Variants in CCNB2 observed in about 807,000 individuals in gnomAD.
CCNB2 encodes cyclin B2.
A neutral mutation model predicts 51.1 loss-of-function variants in CCNB2; 39 were observed. The observed-to-expected ratio is 0.76, with a 90% CI of 0.59 to 1.00. The LOEUF is 1.00. Ranked by LOEUF, CCNB2 falls within the 50% of genes least tolerant of loss-of-function variation. The pLI is 0.00. For synonymous variants in CCNB2, 174 were observed against 165.5 expected, an observed-to-expected ratio of 1.05 and a Z score of -0.40; for missense variants, 472 against 470.3, an observed-to-expected ratio of 1.00 and a Z score of -0.03.
chr15:59,107,773 T>C (rs1298223535), intron 3 of CCNB2, 103 bp downstream of exon 3: 1 of 789,466 alleles, frequency 1.3e-6, no homozygotes. Flanking sequence ...CGAACATTCA[T>C]AGCTGGAGCT....
At chr15:59,123,308 C>A (rs2079311238) in intron 7 of CCNB2, among the ~76,000 whole-genome samples, 1 of 152,264 alleles carries the variant, frequency 6.6e-6, no homozygotes, top group African/African-American at 2.4e-5. Context: ...GGTCTCAGGG[C>A]CAGAATCATC....
intron 7 of CCNB2, 100 bp downstream of exon 7, chr15:59,117,468 GGTTTT>G (rs1342009304): frequency 6.2e-5 from 80 of 1,295,926 alleles, no homozygotes; most frequent in Non-Finnish European, 8.2e-5. Flanking sequence ...TGAAGCAGTT[GGTTTT>G]GTTTTGTGTT....
chr15:59,110,988 G>C (rs369123330), intron 3 of CCNB2, among the ~76,000 whole-genome samples: 3 of 152,288 alleles, frequency 2.0e-5, no homozygotes, highest in South Asian at 2.1e-4. Context: ...CATAGGAGTA[G>C]AAGTATGGCT....
At chr15:59,123,065 C>T (rs545366576) in intron 7 of CCNB2, among the ~76,000 whole-genome samples, 8 of 152,278 alleles carry the variant, frequency 5.3e-5, no homozygotes, top group Middle Eastern at 3.4e-3. Flanking sequence ...TTCTTATTTC[C>T]GAACATCTTT....
intron 7 of CCNB2, among the ~76,000 whole-genome samples, chr15:59,120,712 TGCATCAATGAATG>T (rs1476978556): frequency 6.6e-6 from 1 of 152,194 alleles, no homozygotes; most frequent in Non-Finnish European, 1.5e-5. Flanking sequence ...TCAAGCAAGG[TGCATCAATGAATG>T]CAAAAATCAT....
chr15:59,122,277 CTT>C (rs2079306224), intron 7 of CCNB2, among the ~76,000 whole-genome samples: 1 of 78,506 alleles, frequency 1.3e-5, no homozygotes, highest in South Asian at 4.1e-4. Flanking sequence ...GAGACAGAGT[CTT>C]TCTCTGTCAC....
At chr15:59,121,470 T>C (rs1256159773) in intron 7 of CCNB2, 1 of 152,194 alleles carries the variant, frequency 6.6e-6, no homozygotes, top group Non-Finnish European at 1.5e-5. Context: ...TTTTTACTCG[T>C]TTCCTCTTTC....
chr15:59,117,823 A>G (rs1295323165), intron 7 of CCNB2, among the ~76,000 whole-genome samples: 1 of 152,136 alleles, frequency 6.6e-6, no homozygotes, highest in African/African-American at 2.4e-5. Context: ...GGAGAGGGGC[A>G]TGGGGGCTTG....
At chr15:59,105,374 C>A in intron 1 of CCNB2, 82 bp downstream of exon 1, 2 of 1,433,836 alleles carry the variant, frequency 1.4e-6, no homozygotes, top group Non-Finnish European at 1.9e-6. Context: ...CTGCTCCGAG[C>A]TTCTCCGTCC....
At chr15:59,121,761 G>C (rs2079302685) in intron 7 of CCNB2, among the ~76,000 whole-genome samples, 1 of 151,890 alleles carries the variant, frequency 6.6e-6, no homozygotes, top group African/African-American at 2.4e-5. Context: ...GTAAAACTCT[G>C]TCTCTATTAA....
chr15:59,105,693 C>T (rs1274315446), intron 1 of CCNB2, among the ~76,000 whole-genome samples: 1 of 152,206 alleles, frequency 6.6e-6, no homozygotes, highest in African/African-American at 2.4e-5. Flanking sequence ...ACTAAGGGAC[C>T]TGTGATGGCG....
intron 3 of CCNB2, among the ~76,000 whole-genome samples, chr15:59,110,982 G>C (rs1449820913): frequency 6.6e-6 from 1 of 152,170 alleles, no homozygotes; most frequent in South Asian, 2.1e-4. Context: ...GGAGGACATA[G>C]GAGTAGAAGT....
chr15:59,110,891 A>C (rs1374123282), intron 3 of CCNB2, among the ~76,000 whole-genome samples: 2 of 152,210 alleles, frequency 1.3e-5, no homozygotes, highest in African/African-American at 4.8e-5. Flanking sequence ...AAGGCTTTCT[A>C]CTAGTCCCAT....
intron 5 of CCNB2, among the ~76,000 whole-genome samples, chr15:59,116,381 G>C (rs1179573827): frequency 6.6e-6 from 1 of 152,168 alleles, no homozygotes; most frequent in Non-Finnish European, 1.5e-5. Context: ...GCAATTGAAT[G>C]ATCTTGGCAT....
At chr15:59,119,682 C>T (rs550989336) in intron 7 of CCNB2, among the ~76,000 whole-genome samples, 1 of 152,164 alleles carries the variant, frequency 6.6e-6, no homozygotes, top group African/African-American at 2.4e-5. Context: ...CTAAAATTTT[C>T]AATATAGGAA....
At chr15:59,122,103 G>A (rs962650350) in intron 7 of CCNB2, among the ~76,000 whole-genome samples, 2 of 151,742 alleles carry the variant, frequency 1.3e-5, no homozygotes, top group Non-Finnish European at 2.9e-5. Flanking sequence ...GGGCAACAGA[G>A]TTGAGACCCG....
Position 59,105,220 on chromosome 15 carries a change from C to T in CCNB2, c.-49C>T, listed in dbSNP as rs1288669406. ...TACGCTAGTGTCCTCCCTTTTCAGT[C>T]CGCGTCCCTCCCTGGGCCGGGCTGG... On this transcript the variant is annotated 5_prime_UTR_variant, in exon 1 of 9. Coordinates refer to ENST00000288207, the MANE Select transcript of CCNB2 (RefSeq NM_004701.4). The T allele has an allele frequency of 1.3e-6, 2 of 1,543,494 alleles. No individual in the cohort carries two copies. Among genetic ancestry groups the T allele is most frequent in the South Asian group, 1.2e-5 (1 of 83,914 alleles).
At position 59,105,165 on chromosome 15, in the gene CCNB2, G is replaced by A. The variant is rs2079229982; in HGVS notation, c.-104G>A. The stretch of plus-strand genomic sequence containing the variant: ...AGCGTCGAAGATCCCCAGCGCTGCG[G>A]GCTCGGAGAGCAGTCCTAACGGCGC... On this transcript the variant is annotated 5_prime_UTR_variant, in exon 1 of 9. Transcript: ENST00000288207. The A allele has an allele frequency of 4.7e-6, 5 of 1,069,232 alleles. No homozygotes were observed. The highest frequency in any genetic ancestry group is 5.4e-6 in the Non-Finnish European group (4 of 736,406). The allele number at this position is 1,069,232 out of a possible 1,614,324, so 66.2% of individuals were successfully genotyped here.
At chr15:59,107,494 G>A in intron 2 of CCNB2, 44 bp downstream of exon 2, 1 of 1,613,868 alleles carries the variant, frequency 6.2e-7, no homozygotes, top group Non-Finnish European at 8.5e-7. Flanking sequence ...GGCCGATTCT[G>A]TATAGTGCTG....
Sources: gnomAD v4.1 joint callset for allele counts (sites outside exome capture counted in the v4.1 genomes callset) on GRCh38, gnomAD v4.1.1 for gene constraint, MANE v1.5 for transcripts, NCBI Gene and HGNC (gene_info 2026-07-23, HGNC 2026-07-21) for gene names.